The following PCDH15 variants were observed in gnomAD, a reference collection of about 807,000 sequenced individuals.
The protein encoded by PCDH15 is protocadherin-15.
Under a neutral mutation model 178.5 loss-of-function variants are expected in PCDH15, and 129 were observed. That is an observed-to-expected ratio of 0.72 (90% CI 0.63 to 0.84). The LOEUF (loss-of-function observed/expected upper bound fraction) is 0.84, where lower values mean the gene tolerates loss of function less well. PCDH15 is among the 40% of genes least tolerant of loss of function. The probability of loss-of-function intolerance (pLI) is 0.00; values close to 1 mark genes in which losing one functional copy is unlikely to be tolerated. For missense variants in PCDH15, 2,230 were observed against 2,099.9 expected, an observed-to-expected ratio of 1.06 and a Z score of -1.21; for synonymous variants, 800 against 732.0, an observed-to-expected ratio of 1.09 and a Z score of -1.50.
chr10:54,817,259 G>A (rs147617203), intron 3 of PCDH15, among the ~76,000 whole-genome samples: 12 of 152,042 alleles, frequency 7.9e-5, no homozygotes, highest in Middle Eastern at 3.4e-3. Context: ...CTTAGAAGCT[G>A]TAATAATAAT....
intron 2 of PCDH15, among the ~76,000 whole-genome samples, chr10:55,476,485 T>G (rs146509669): frequency 4.5e-4 from 69 of 152,138 alleles, no homozygotes; most frequent in African/African-American, 1.6e-3. Flanking sequence ...GAATATTCTC[T>G]TTTACTTAGG....
chr10:54,709,677 G>C (rs2095408932), intron 1 of PCDH15, among the ~76,000 whole-genome samples: 1 of 92,022 alleles, frequency 1.1e-5, no homozygotes, highest in Admixed American at 1.0e-4. Flanking sequence ...AGTTATGGGA[G>C]TAATGTGTGT....
At position 54,229,715 on chromosome 10, in the gene PCDH15, G is replaced by T. The variant is rs138459800; in HGVS notation, c.985+7108C>A. Among the ~76,000 whole-genome samples, 1,197 of 152,228 alleles carry T rather than the reference G, an allele frequency of 7.9e-3. 9 individuals are homozygous for T. Among genetic ancestry groups the T allele is most frequent in the African/African-American group, 0.025 (1,039 of 41,536 alleles). On this transcript the variant is annotated intron_variant, in intron 9 of 37. Transcript: ENST00000644397. ...GTTCACCTTCCGCCATGATTGTGAG[G>T]CCTTCCTGAACATGTGGAACTGTAA...
At chr10:55,320,276 C>T (rs1843854379), upstream of PCDH15, among the ~76,000 whole-genome samples, 1 of 151,918 alleles carries the variant, frequency 6.6e-6, no homozygotes, top group Admixed American at 6.6e-5. Context: ...ATTGCTGGCA[C>T]ACACACACAC....
intron 1 of PCDH15, among the ~76,000 whole-genome samples, chr10:55,175,206 A>G (rs976901263): frequency 2.9e-4 from 44 of 152,152 alleles, no homozygotes; most frequent in Admixed American, 2.6e-4. Flanking sequence ...AAGGACTAAC[A>G]CTAAGCCTCT....
At chr10:54,022,866 T>G in intron 19 of PCDH15, 26 bp downstream of exon 19, 1 of 1,611,478 alleles carries the variant, frequency 6.2e-7, no homozygotes, top group Non-Finnish European at 8.5e-7. Flanking sequence ...GTAGGATTCA[T>G]GTAATAAATG....
chr10:55,452,977 C>T lies in PCDH15; in HGVS notation c.-156+174648G>A, dbSNP rs139175722. Among the ~76,000 whole-genome samples, 456 of 152,202 alleles carry T rather than the reference C, an allele frequency of 3.0e-3. 4 individuals are homozygous for T. Among genetic ancestry groups the T allele is most frequent in the African/African-American group, 0.01 (431 of 41,528 alleles). On this transcript the variant is annotated intron_variant, in intron 2 of 5. Transcript: ENST00000613346. ...AGTAAAGGTAGAGAATAAGCAAGGG[C>T]TTTAAGAATATAAAGCACTATCTCT... is the stretch of plus-strand genomic sequence containing the variant.
At chr10:54,260,318 C>G (rs1311847715) in intron 8 of PCDH15, among the ~76,000 whole-genome samples, 2 of 151,470 alleles carry the variant, frequency 1.3e-5, no homozygotes, top group Non-Finnish European at 2.9e-5. Context: ...GAAGGAATCT[C>G]TCTCTGTCGC....
rs1199727988 is a variant in PCDH15 at position 55,442,248 on chromosome 10, C to A, written c.-156+185377G>T. 2.0e-5 allele frequency among the ~76,000 whole-genome samples: 3 copies of A among 151,616 alleles called. No homozygotes were observed. The East Asian group carries it at 5.8e-4, about 29-fold the overall frequency. On this transcript the variant is annotated intron_variant, in intron 2 of 5. Coordinates refer to the PCDH15 transcript ENST00000613346. The stretch of plus-strand genomic sequence containing the variant: ...TATGTTAAAAAGAACAATATACTGG[C>A]AGATTTTTAAGAAATGATGATGGAT...
intron 21 of PCDH15, among the ~76,000 whole-genome samples, chr10:53,976,598 T>C (rs1336652637): frequency 6.6e-6 from 1 of 152,202 alleles, no homozygotes; most frequent in African/African-American, 2.4e-5. Flanking sequence ...ATTATTTTTA[T>C]AGCACATATG....
intron 2 of PCDH15, among the ~76,000 whole-genome samples, chr10:55,349,690 G>A (rs530408370): frequency 6.6e-6 from 1 of 152,122 alleles, no homozygotes; most frequent in African/African-American, 2.4e-5. Flanking sequence ...AGGTTCAAAT[G>A]CTCAAAGAAT....
At chr10:54,267,036 A>T (rs551138524) in intron 8 of PCDH15, among the ~76,000 whole-genome samples, 65 of 152,098 alleles carry the variant, frequency 4.3e-4, no homozygotes, top group African/African-American at 1.5e-3. Context: ...TCCTCAACAA[A>T]GTACTTGCAA....
intron 2 of PCDH15, among the ~76,000 whole-genome samples, chr10:55,554,443 T>A (rs1257599377): frequency 6.6e-6 from 1 of 152,060 alleles, no homozygotes; most frequent in Non-Finnish European, 1.5e-5. Flanking sequence ...GTCATTGACA[T>A]CTTACCTTAG....
intron 9 of PCDH15, among the ~76,000 whole-genome samples, chr10:54,230,168 A>T (rs1488041961): frequency 6.6e-6 from 1 of 152,178 alleles, no homozygotes; most frequent in Non-Finnish European, 1.5e-5. Context: ...TTCTTTAAAA[A>T]ATAATTTCCA....
At chr10:55,104,154 G>C (rs1842628285) in intron 2 of PCDH15, among the ~76,000 whole-genome samples, 1 of 151,656 alleles carries the variant, frequency 6.6e-6, no homozygotes, top group Non-Finnish European at 1.5e-5. Flanking sequence ...CCGAAATTCT[G>C]ATGTTCACTT....
chr10:55,231,218 C>T (rs1841210096), intron 1 of PCDH15, among the ~76,000 whole-genome samples: 1 of 151,784 alleles, frequency 6.6e-6, no homozygotes, highest in Non-Finnish European at 1.5e-5. Flanking sequence ...GATAATTCAT[C>T]CAGAAAATAA....
At chr10:54,079,818 C>A (rs886859311) in intron 16 of PCDH15, among the ~76,000 whole-genome samples, 4 of 152,104 alleles carry the variant, frequency 2.6e-5, no homozygotes, top group African/African-American at 9.7e-5. Context: ...TGTATATCAC[C>A]TCCCAATTTA....
chr10:55,138,315 T>C (rs112522940), intron 2 of PCDH15, among the ~76,000 whole-genome samples: 10 of 152,290 alleles, frequency 6.6e-5, no homozygotes, highest in Non-Finnish European at 1.0e-4. Flanking sequence ...CCTCTACTTG[T>C]AGACATTGAG....
chr10:55,224,856 C>G (rs1840982490), intron 1 of PCDH15, among the ~76,000 whole-genome samples: 1 of 152,058 alleles, frequency 6.6e-6, no homozygotes, highest in Admixed American at 6.5e-5. Flanking sequence ...ACTTCTGAAG[C>G]TTTTTGTTGT....
Sources: gnomAD v4.1 joint callset for allele counts (sites outside exome capture counted in the v4.1 genomes callset) on GRCh38, gnomAD v4.1.1 for gene constraint, MANE v1.5 for transcripts, NCBI Gene and HGNC (gene_info 2026-07-23, HGNC 2026-07-21) for gene names.